Variants in ARID1B observed in about 807,000 individuals in gnomAD.
ARID1B encodes AT-rich interactive domain-containing protein 1B.
ARID1B carries 30 observed loss-of-function variants against 212.3 expected under a neutral mutation model. The ratio of observed to expected loss-of-function variants is 0.14; its 90% CI spans 0.11 to 0.19. The LOEUF is 0.19. Among genes scored for constraint, ARID1B ranks in the 10% least tolerant of loss-of-function variants. The probability of loss-of-function intolerance (pLI) is 1.00; values close to 1 mark genes in which losing one functional copy is unlikely to be tolerated. For synonymous variants in ARID1B, 1,402 were observed against 1,301.7 expected (o/e 1.08, Z -1.66); for missense variants, 2,891 against 3,204.0 (o/e 0.90, Z 2.36).
intron 2 of ARID1B, among the ~76,000 whole-genome samples, chr6:156,878,637 G>A (rs1247109705): frequency 6.6e-6 from 1 of 152,160 alleles, no homozygotes; most frequent in African/African-American, 2.4e-5. Flanking sequence ...TTCTAGTTTG[G>A]GAAAGCAAGT....
intron 2 of ARID1B, among the ~76,000 whole-genome samples, chr6:156,888,058 T>G (rs1049545317): frequency 2.6e-5 from 4 of 152,210 alleles, no homozygotes; most frequent in Non-Finnish European, 5.9e-5. Context: ...AATCAAGCAT[T>G]CACTGCACAT....
At chr6:156,905,248 A>ACG (rs1023678401) in intron 3 of ARID1B, among the ~76,000 whole-genome samples, 59 of 135,218 alleles carry the variant, frequency 4.4e-4, no homozygotes, top group Admixed American at 2.5e-3. Flanking sequence ...TCACATATGC[A>ACG]CGCACACACA....
At chr6:156,993,624 T>C (rs563843683) in intron 4 of ARID1B, among the ~76,000 whole-genome samples, 41 of 152,342 alleles carry the variant, frequency 2.7e-4, no homozygotes, top group African/African-American at 7.9e-4. Flanking sequence ...ATTGAAGTTA[T>C]ATACCTAAGG....
In ARID1B at chr6:156,779,262, G is replaced by GCGCCGCCGCCGC; in HGVS notation, c.1588_1599dup (p.Pro530_Pro533dup). 1 of 1,146,088 alleles carries GCGCCGCCGCCGC rather than the reference G, an allele frequency of 8.7e-7. No individual in the cohort carries two copies. The highest frequency in any genetic ancestry group is 1.1e-6 in the Non-Finnish European group (1 of 929,370). 71.0% of individuals were successfully genotyped at this position (1,146,088 alleles called of 1,614,324 possible). On this transcript the variant is annotated inframe_insertion, in exon 1 of 20. Transcript: ENST00000636930. ...CTACCCCGAGTACAGCAGCCCCAGC[G>GCGCCGCCGCCGC]CGCCGCCGCCGCCGCCGTCGCAGCC...
rs112703040 is a variant in ARID1B, at chr6:157,207,063, C to T, written c.6291C>T (p.Ile2097=). Residue 2097 remains isoleucine (I), a synonymous_variant, in exon 20 of 20, where the codon ATC becomes ATT. Coordinates refer to ENST00000636930, the MANE Select transcript of ARID1B (RefSeq NM_001374828.1). This position sits in a 1 kb window ranked among gnomAD's most constrained non-coding sequence, Gnocchi z 8.5. ...EMSKHPGLVL[I]LGKLILLHHE... is the part of the protein sequence containing the mutation. ...CCAAACATCCAGGCCTGGTGCTGAT[C>T]CTGGGGAAGCTGATTCTTCTTCACC... 15,121 of 1,614,160 alleles carry T rather than the reference C, an allele frequency of 9.4e-3. 109 individuals carry two copies. The highest frequency in any genetic ancestry group is 0.021 in the Middle Eastern group (126 of 6,062).
intron 4 of ARID1B, among the ~76,000 whole-genome samples, chr6:157,041,099 A>G (rs1032129446): frequency 6.6e-6 from 1 of 152,184 alleles, no homozygotes; most frequent in Non-Finnish European, 1.5e-5. Flanking sequence ...ACTGTAGACC[A>G]CTATTCTTAT....
intron 2 of ARID1B, among the ~76,000 whole-genome samples, chr6:156,896,600 A>AAAAAAG (rs1491291654): frequency 8.9e-5 from 13 of 146,378 alleles, no homozygotes; most frequent in African/African-American, 3.1e-4. Flanking sequence ...AAAAAAAAAA[A>AAAAAAG]GAGGACACAG....
chr6:156,975,883 G>A (rs193249929), intron 4 of ARID1B, among the ~76,000 whole-genome samples: 12 of 152,176 alleles, frequency 7.9e-5, no homozygotes, highest in Non-Finnish European at 8.8e-5. Context: ...GGCTGAGTCC[G>A]AAGAGTCAGC....
At chr6:157,032,668 A>G (rs1354423317) in intron 4 of ARID1B, among the ~76,000 whole-genome samples, 1 of 152,228 alleles carries the variant, frequency 6.6e-6, no homozygotes, top group Non-Finnish European at 1.5e-5. Context: ...TTGACATGGA[A>G]CAATGGGTAA....
chr6:157,084,597 GTCGTCTTTTGATGAGATAT>G, intron 4 of ARID1B, 46 bp from the exon 5 acceptor site: 2 of 1,550,210 alleles, frequency 1.3e-6, no homozygotes, highest in Non-Finnish European at 1.7e-6. Context: ...TGATTTTCAA[GTCGTCTTTTGATGAGATAT>G]TCATCCAAAC....
chr6:157,178,318 G>A (rs956941466), intron 11 of ARID1B, among the ~76,000 whole-genome samples: 7 of 152,138 alleles, frequency 4.6e-5, no homozygotes, highest in East Asian at 1.9e-4. Context: ...AGAGCACCAC[G>A]CTAAGTGTTG....
rs796265973 is a variant in ARID1B at position 156,897,218 on chromosome 6, G to GCTTCTTCTTCTTCTTCTTCTT, written c.1987-4130_1987-4110dup. On this transcript the variant is annotated intron_variant, in intron 2 of 19. Transcript: ENST00000636930. The stretch of plus-strand genomic sequence containing the variant: ...TGCTGCTGCTGCTGCTGCTGCTGCT[G>GCTTCTTCTTCTTCTTCTTCTT]CTTCTTCTTCTTCTTCTTCTTCTTC... 4.8e-4 allele frequency among the ~76,000 whole-genome samples: 44 copies of GCTTCTTCTTCTTCTTCTTCTT among 91,334 alleles called. No individual in the cohort carries two copies. In the East Asian group the frequency reaches 5.1e-3, roughly 11 times the overall value. The allele number at this position is 91,334 out of a possible 152,430, so 59.9% of individuals were successfully genotyped here. A position where few individuals can be genotyped will look rare whatever the true frequency, so the allele number is the denominator to read the frequency against.
At chr6:157,096,272 T>G (rs1253167692) in intron 5 of ARID1B, among the ~76,000 whole-genome samples, 2 of 152,202 alleles carry the variant, frequency 1.3e-5, no homozygotes, top group African/African-American at 2.4e-5. Context: ...GAACAGTGCC[T>G]GGCAAGTAGC....
chr6:156,864,597 A>G (rs552406692), intron 2 of ARID1B, among the ~76,000 whole-genome samples: 1 of 152,200 alleles, frequency 6.6e-6, no homozygotes, highest in Non-Finnish European at 1.5e-5. Context: ...GCCCATGCCC[A>G]CGTCCCCAGA....
At chr6:156,999,643 C>T (rs956172186) in intron 4 of ARID1B, among the ~76,000 whole-genome samples, 11 of 152,180 alleles carry the variant, frequency 7.2e-5, no homozygotes, top group Admixed American at 1.3e-4. Context: ...TTTGTGTTGT[C>T]TGGGTACGTG....
chr6:157,048,803 C>T (rs1349325031), intron 4 of ARID1B, among the ~76,000 whole-genome samples: 1 of 152,154 alleles, frequency 6.6e-6, no homozygotes. Context: ...GTGATTTATT[C>T]GTTTGTGCAT....
At chr6:156,961,985 T>C (rs1334904156) in intron 4 of ARID1B, among the ~76,000 whole-genome samples, 3 of 151,944 alleles carry the variant, frequency 2.0e-5, no homozygotes, top group African/African-American at 7.3e-5. Flanking sequence ...TAATTTTACA[T>C]ATACACAAAT....
chr6:157,096,897 G>A (rs1785676251), intron 5 of ARID1B, among the ~76,000 whole-genome samples: 1 of 152,224 alleles, frequency 6.6e-6, no homozygotes, highest in Non-Finnish European at 1.5e-5. Flanking sequence ...GTATTAATAT[G>A]TCATGGTGTG....
intron 4 of ARID1B, among the ~76,000 whole-genome samples, chr6:157,067,590 C>T (rs932574002): frequency 6.6e-6 from 1 of 152,140 alleles, no homozygotes; most frequent in African/African-American, 2.4e-5. Context: ...TATCATTTAG[C>T]TTAGCAGTGA....
Sources: gnomAD v4.1 joint callset for allele counts (sites outside exome capture counted in the v4.1 genomes callset) on GRCh38, gnomAD v4.1.1 for gene constraint, Gnocchi (gnomAD v3.1) non-coding constraint, MANE v1.5 for transcripts, NCBI Gene and HGNC (gene_info 2026-07-23, HGNC 2026-07-21) for gene names.